BCR: variants seen among roughly 807,000 people sequenced by gnomAD.
BCR encodes the protein BCR activator of RhoGEF and GTPase.
A neutral mutation model predicts 138.6 loss-of-function variants in BCR; 58 were observed. That is an observed-to-expected ratio of 0.42 (90% CI 0.34 to 0.52). The LOEUF (loss-of-function observed/expected upper bound fraction) is 0.52. Ranked by LOEUF, BCR falls within the 20% of genes least tolerant of loss-of-function variation. BCR has a pLI of 0.06. For missense variants in BCR, 1,599 were observed against 1,727.2 expected, an observed-to-expected ratio of 0.93 and a Z score of 1.32; for synonymous variants, 786 against 730.1, an observed-to-expected ratio of 1.08 and a Z score of -1.23.
intron 1 of BCR, among the ~76,000 whole-genome samples, chr22:23,186,936 A>G (rs2072350660): frequency 1.3e-5 from 2 of 152,190 alleles, no homozygotes; most frequent in African/African-American, 2.4e-5. Context: ...GGGTTTCGCC[A>G]TGTTGGCCAG....
At chr22:23,292,954 G>A (rs2073805214) in intron 15 of BCR, among the ~76,000 whole-genome samples, 1 of 152,178 alleles carries the variant, frequency 6.6e-6, no homozygotes, top group Non-Finnish European at 1.5e-5. Context: ...TTTCCATAGT[G>A]TTTTTCCGCA....
At position 23,181,052 on chromosome 22, in the gene BCR, T is replaced by G. The variant is rs2072244644; in HGVS notation, c.92T>G (p.Ile31Ser). 1.3e-6 allele frequency: 2 copies of G among 1,520,808 alleles called. No homozygotes were observed. The highest frequency in any genetic ancestry group is 2.8e-5 in the African/African-American group (2 of 70,692). The allele number at this position is 1,520,808 out of a possible 1,614,324, so 94.2% of individuals were successfully genotyped here. ...ATGGAGCTGCGCTCAGTGGGCGACA[T>G]CGAGCAGGAGCTGGAGCGCTGCAAG... is the stretch of plus-strand genomic sequence containing the variant. ...PRMELRSVGD[I>S]EQELERCKAS... The change falls in exon 1 of 23, where the codon ATC becomes AGC. Residue 31 changes from isoleucine (I) to serine (S), a missense_variant. By Grantham distance (142) the Ile-to-Ser change is moderately radical (BLOSUM62 -2). Coordinates refer to ENST00000305877, the MANE Select transcript of BCR (RefSeq NM_004327.4).
chr22:23,261,332 A>C, intron 3 of BCR, 23 bp from the exon 4 acceptor site: 1 of 1,604,342 alleles, frequency 6.2e-7, no homozygotes, highest in East Asian at 2.2e-5. Context: ...CACCTGTGCT[A>C]CCTCACTTGT....
Position 23,218,826 on chromosome 22 carries a change from A to T in BCR, c.1280-34973A>T, listed in dbSNP as rs1473554123. On this transcript the variant is annotated intron_variant, in intron 1 of 22. Coordinates refer to ENST00000305877, the MANE Select transcript of BCR (RefSeq NM_004327.4). ...AAGGGCTGTTTTTTTCTGTCCTGGA[A>T]TGAGCACATTCTGAGGGTGAGTGGC... Among the ~76,000 whole-genome samples, 4 of 152,370 alleles carry T rather than the reference A, an allele frequency of 2.6e-5. No homozygotes were observed. The Middle Eastern group carries it at 0.01, about 389-fold the overall frequency.
chr22:23,193,554 A>G (rs2072440687), intron 1 of BCR, among the ~76,000 whole-genome samples: 1 of 152,234 alleles, frequency 6.6e-6, no homozygotes, highest in Non-Finnish European at 1.5e-5. Context: ...TATAACCAGT[A>G]TGAGCTCCGG....
Position 23,182,160 on chromosome 22 carries a change from C to T in BCR, c.1200C>T (p.Ser400=). The T allele has an allele frequency of 2.5e-6, 4 of 1,607,092 alleles. No individual in the cohort carries two copies. The highest frequency in any genetic ancestry group is 2.5e-6 in the Non-Finnish European group (3 of 1,178,962). Residue 400 remains serine (S), a synonymous_variant, in exon 1 of 23, where the codon TCC becomes TCT. Coordinates refer to ENST00000305877, the MANE Select transcript of BCR (RefSeq NM_004327.4). ...ACCGGCACTGCCCGGTTGTCGTGTC[C>T]GAGGCCACCATCGTGGGCGTCCGCA... ...KRHRHCPVVV[S]EATIVGVRKT...
chr22:23,243,964 G>A (rs1256758461), intron 1 of BCR, among the ~76,000 whole-genome samples: 2 of 152,094 alleles, frequency 1.3e-5, no homozygotes, highest in African/African-American at 2.4e-5. Context: ...TGAACCTGAG[G>A]AGGGGGTTGT....
chr22:23,203,403 C>G (rs559366210), intron 1 of BCR, among the ~76,000 whole-genome samples: 1 of 152,308 alleles, frequency 6.6e-6, no homozygotes, highest in East Asian at 1.9e-4. Context: ...GGTGCTAAAA[C>G]GTCTGAGCTG....
chr22:23,280,886 G>A (rs899375534), intron 8 of BCR, among the ~76,000 whole-genome samples: 1 of 152,196 alleles, frequency 6.6e-6, no homozygotes, highest in Non-Finnish European at 1.5e-5. Context: ...CACACACAGG[G>A]ACCCATGCCC....
intron 15 of BCR, among the ~76,000 whole-genome samples, chr22:23,293,896 G>A (rs565599637): frequency 1.5e-4 from 23 of 151,870 alleles, no homozygotes; most frequent in Admixed American, 4.6e-4. Context: ...AGCCATGCGC[G>A]CACACGCCTC....
chr22:23,229,848 A>C (rs1389605893), intron 1 of BCR, among the ~76,000 whole-genome samples: 1 of 151,844 alleles, frequency 6.6e-6, no homozygotes, highest in Non-Finnish European at 1.5e-5. Context: ...CAGGGGCTTC[A>C]CCTATTTGGT....
At position 23,253,287 on chromosome 22, in the gene BCR, G is replaced by A. The variant is rs114667468; in HGVS notation, c.1280-512G>A. Among the ~76,000 whole-genome samples, 359 of 152,214 alleles carry A rather than the reference G, an allele frequency of 2.4e-3. 3 individuals are homozygous for A. The highest frequency in any genetic ancestry group is 8.2e-3 in the African/African-American group (339 of 41,518). ...TCATTGTGTAGGCATGATTGATTAC[G>A]TCACTGGCCATTGGTGATCAACTCA... On this transcript the variant is annotated intron_variant, in intron 1 of 22. Transcript: ENST00000305877.
intron 1 of BCR, among the ~76,000 whole-genome samples, chr22:23,246,371 A>G (rs1030098130): frequency 6.6e-6 from 1 of 152,228 alleles, no homozygotes; most frequent in African/African-American, 2.4e-5. Flanking sequence ...GTTCGAGACT[A>G]TGGTGAGCAA....
chr22:23,181,465 G>C lies in BCR; in HGVS notation c.505G>C (p.Gly169Arg). The part of the protein sequence containing the change: ...ERIRKGHGQP[G>R]ADAEKPFYVN... ...GATCCGCAAGGGCCATGGCCAGCCC[G>C]GGGCGGACGCCGAGAAGCCCTTCTA... The change falls in exon 1 of 23, where the codon GGG becomes CGG. Residue 169 changes from glycine to arginine, a missense_variant. Coordinates refer to ENST00000305877, the MANE Select transcript of BCR (RefSeq NM_004327.4). 6.2e-7 allele frequency: 1 copy of C among 1,608,546 alleles called. No homozygotes were observed. Among genetic ancestry groups the C allele is most frequent in the Non-Finnish European group, 8.5e-7 (1 of 1,176,898 alleles).
At position 23,216,525 on chromosome 22, in the gene BCR, G is replaced by A. The variant is rs192216998; in HGVS notation, c.1279+34286G>A. Reference sequence around the variant, plus strand: ...AAGGATGAAAATGAATTAGCAACGTGGAACATTGTCATAAGTGGAAAAAGT... The same window carrying A: ...AAGGATGAAAATGAATTAGCAACGTAGAACATTGTCATAAGTGGAAAAAGT... On this transcript the variant is annotated intron_variant, in intron 1 of 22. Coordinates refer to ENST00000305877, the MANE Select transcript of BCR (RefSeq NM_004327.4). 2.7e-3 allele frequency among the ~76,000 whole-genome samples: 404 copies of A among 152,318 alleles called. 2 individuals are homozygous for A. Among genetic ancestry groups the A allele is most frequent in the African/African-American group, 8.0e-3 (331 of 41,564 alleles).
intron 16 of BCR, among the ~76,000 whole-genome samples, chr22:23,307,271 A>G (rs1282140429): frequency 1.4e-5 from 2 of 145,350 alleles, no homozygotes; most frequent in African/African-American, 4.9e-5. Context: ...AATGCTTTTG[A>G]AAATTTTTTT....
chr22:23,290,037 CAT>C (rs1314885471), intron 13 of BCR: 4 of 530,364 alleles, frequency 7.5e-6, no homozygotes, highest in East Asian at 3.3e-5. Context: ...ACGCTATGCA[CAT>C]GTGTCCACAC....
chr22:23,206,329 CT>C (rs761254444), intron 1 of BCR, among the ~76,000 whole-genome samples: 14 of 152,154 alleles, frequency 9.2e-5, no homozygotes, highest in Admixed American at 3.9e-4. Flanking sequence ...AATCCCAGCA[CT>C]TTGGGAGGCC....
intron 1 of BCR, among the ~76,000 whole-genome samples, chr22:23,211,386 G>A (rs914946337): frequency 2.0e-5 from 3 of 151,706 alleles, no homozygotes; most frequent in Non-Finnish European, 4.4e-5. Context: ...TTTTAGTAAA[G>A]ACAGGGTTTC....
Sources: allele counts gnomAD v4.1 joint callset (sites outside exome capture counted in the v4.1 genomes callset), GRCh38; gene constraint gnomAD v4.1.1; transcripts MANE v1.5; gene names NCBI Gene and HGNC (gene_info 2026-07-23, HGNC 2026-07-21).